EXTL1: variants seen among roughly 807,000 people sequenced by gnomAD.
The protein encoded by EXTL1 is exostosin-like 1.
In EXTL1, 43 loss-of-function variants were observed where a neutral mutation model predicts 64.6. The observed-to-expected ratio is 0.67, with a 90% CI of 0.52 to 0.86. The LOEUF (loss-of-function observed/expected upper bound fraction) is 0.86, where lower values mean the gene tolerates loss of function less well. Ranked by LOEUF, EXTL1 falls within the 40% of genes least tolerant of loss-of-function variation. The probability of loss-of-function intolerance (pLI) is 0.00; values close to 1 mark genes in which losing one functional copy is unlikely to be tolerated. For synonymous variants in EXTL1, 352 were observed against 360.5 expected, an observed-to-expected ratio of 0.98 and a Z score of 0.27; for missense variants, 766 against 879.0, an observed-to-expected ratio of 0.87 and a Z score of 1.62.
At position 26,022,830 on chromosome 1, in the gene EXTL1, G is replaced by A; in HGVS notation, c.184G>A (p.Gly62Arg). Residue 62 changes from glycine to arginine, a missense_variant, in exon 1 of 11, where the codon GGA becomes AGA. This residue lies in a region of EXTL1 where 571 missense variants were observed against 647.6 expected (regional missense o/e 0.88). Coordinates refer to ENST00000374280, the MANE Select transcript of EXTL1 (RefSeq NM_004455.3). ...AELLQSFSQP[G>R]ELPEDAVSPP... ...GCTCCTGCAGAGCTTCTCCCAGCCT[G>A]GAGAGCTCCCAGAAGATGCCGTTTC... The A allele has an allele frequency of 6.2e-7, 1 of 1,614,078 alleles. No individual in the cohort carries two copies. Among genetic ancestry groups the A allele is most frequent in the Non-Finnish European group, 8.5e-7 (1 of 1,179,996 alleles).
At chr1:26,029,529 C>T in intron 2 of EXTL1, 71 bp from the exon 3 acceptor site, 2 of 931,146 alleles carry the variant, frequency 2.1e-6, no homozygotes, top group Non-Finnish European at 3.4e-6. Flanking sequence ...CAGCTACTGA[C>T]TTGGAACTGG....
chr1:26,023,964 A>G (rs2050185271), intron 1 of EXTL1, among the ~76,000 whole-genome samples: 1 of 152,186 alleles, frequency 6.6e-6, no homozygotes, highest in South Asian at 2.1e-4. Context: ...CAACCTCATC[A>G]AATGCCTCAG....
rs747553226 is a variant in EXTL1 at position 26,031,583 on chromosome 1, G to C, written c.1341+17G>C. 3 of 1,490,858 alleles carry C rather than the reference G, an allele frequency of 2.0e-6. No homozygotes were observed. Among genetic ancestry groups the C allele is most frequent in the Middle Eastern group, 1.7e-4 (1 of 5,724 alleles). The allele number at this position is 1,490,858 out of a possible 1,614,324, so 92.4% of individuals were successfully genotyped here. On this transcript the variant is annotated intron_variant, in intron 6 of 10. Transcript: ENST00000374280. ...TGTGCCCAGGTCTGCCCCCTTCCCA[G>C]CTGGAGTCCTGGGATCCAGGGTGGG...
intron 3 of EXTL1, among the ~76,000 whole-genome samples, chr1:26,030,082 G>A (rs1314067496): frequency 6.6e-6 from 1 of 152,212 alleles, no homozygotes; most frequent in Non-Finnish European, 1.5e-5. Flanking sequence ...GAGTGGGAAA[G>A]CAAAACGCAT....
chr1:26,027,451 T>G (rs1434914544), intron 1 of EXTL1, among the ~76,000 whole-genome samples: 1 of 152,122 alleles, frequency 6.6e-6, no homozygotes, highest in Non-Finnish European at 1.5e-5. Context: ...TAGGTTAGCT[T>G]GGATCATTAC....
chr1:26,024,705 C>CT (rs2124401443), intron 1 of EXTL1, among the ~76,000 whole-genome samples: 1 of 152,348 alleles, frequency 6.6e-6, no homozygotes, highest in South Asian at 2.1e-4. Flanking sequence ...GCCCCTGCAG[C>CT]TCAGCGCTCA....
Position 26,035,574 on chromosome 1 carries a change from G to A in EXTL1, c.*227G>A. 2.2e-6 allele frequency: 1 copy of A among 451,480 alleles called. No homozygotes were observed. Among genetic ancestry groups the A allele is most frequent in the East Asian group, 3.2e-5 (1 of 30,790 alleles). The allele number at this position is 451,480 out of a possible 1,614,324, so 28.0% of individuals were successfully genotyped here. A position where few individuals can be genotyped will look rare whatever the true frequency, so the allele number is the denominator to read the frequency against. ...GCGGAGGCTGAGCCCCGCGACCGGAGCGCCGCTCTCCGCTTCTCCACCCAG... is the reference window on the plus strand; with the variant it reads ...GCGGAGGCTGAGCCCCGCGACCGGAACGCCGCTCTCCGCTTCTCCACCCAG... On this transcript the variant is annotated 3_prime_UTR_variant, in exon 11 of 11. Transcript: ENST00000374280. This position sits in a 1 kb window ranked among gnomAD's most constrained non-coding sequence, Gnocchi z 5.3.
At chr1:26,032,519 C>A in intron 7 of EXTL1, 34 bp downstream of exon 7, 1 of 1,509,266 alleles carries the variant, frequency 6.6e-7, no homozygotes, top group Non-Finnish European at 9.0e-7. Context: ...AAGGGGTGGG[C>A]CCATGCTGGG....
At chr1:26,032,222 G>A in intron 6 of EXTL1, 174 bp from the exon 7 acceptor site, 1 of 577,720 alleles carries the variant, frequency 1.7e-6, no homozygotes, top group Non-Finnish European at 3.1e-6. Context: ...AAGCCCAGAG[G>A]CAAGGACAGA....
At position 26,022,388 on chromosome 1, in the gene EXTL1, G is replaced by A. The variant is rs908214793; in HGVS notation, c.-259G>A. 17 of 439,420 alleles carry A rather than the reference G, an allele frequency of 3.9e-5. No individual in the cohort carries two copies. In the Admixed American group the frequency reaches 4.0e-4, roughly 10 times the overall value. 27.2% of individuals were successfully genotyped at this position (439,420 alleles called of 1,614,324 possible). ...AGGCTGGCTTGGTTGTCCAAAGGCCGAGAAGGCAGAGTCCTGAGAGCAGGG... is the reference window on the plus strand; with the variant it reads ...AGGCTGGCTTGGTTGTCCAAAGGCCAAGAAGGCAGAGTCCTGAGAGCAGGG... On this transcript the variant is annotated 5_prime_UTR_variant, in exon 1 of 11. Coordinates refer to ENST00000374280, the MANE Select transcript of EXTL1 (RefSeq NM_004455.3).
At chr1:26,028,853 G>A (rs2050246887) in intron 1 of EXTL1, among the ~76,000 whole-genome samples, 1 of 152,186 alleles carries the variant, frequency 6.6e-6, no homozygotes, top group Non-Finnish European at 1.5e-5. Flanking sequence ...AGTCAGGCAG[G>A]GCCTCGGAAA....
In EXTL1 at chr1:26,035,247, A is replaced by C. The variant is rs1195805792; in HGVS notation, c.1931A>C (p.His644Pro). The part of the protein sequence containing the change: ...CINQIAAAFG[H>P]MPLLSSRLRL... ...AACCAGATAGCGGCAGCGTTCGGCCACATGCCCTTGCTGTCCTCTCGTCTG... is the reference window on the plus strand; with the variant it reads ...AACCAGATAGCGGCAGCGTTCGGCCCCATGCCCTTGCTGTCCTCTCGTCTG... Residue 644 changes from histidine (H) to proline (P), a missense_variant, in exon 11 of 11, where the codon CAC becomes CCC. By Grantham distance (77) the His-to-Pro change is moderately conservative. Around this residue, in one of 3 missense-constraint regions of EXTL1, gnomAD observed 194 missense variants for 214.5 expected, o/e 0.90. Transcript: ENST00000374280. The surrounding 1 kb of genome is among the most constrained non-coding windows in gnomAD (Gnocchi z 5.3). 1 of 1,613,528 alleles carries C rather than the reference A, an allele frequency of 6.2e-7. No individual in the cohort carries two copies. Among genetic ancestry groups the C allele is most frequent in the South Asian group, 1.1e-5 (1 of 91,082 alleles).
rs1037576190 is a variant in EXTL1 at position 26,034,545 on chromosome 1, T to C, written c.1680-291T>C. Among the ~76,000 whole-genome samples, 5 of 152,186 alleles carry C rather than the reference T, an allele frequency of 3.3e-5. No homozygotes were observed. Among genetic ancestry groups the C allele is most frequent in the African/African-American group, 1.2e-4 (5 of 41,442 alleles). On this transcript the variant is annotated intron_variant, in intron 9 of 10. Coordinates refer to ENST00000374280, the MANE Select transcript of EXTL1 (RefSeq NM_004455.3). The surrounding 1 kb of genome is among the most constrained non-coding windows in gnomAD (Gnocchi z 4.6). The stretch of plus-strand genomic sequence containing the variant: ...CATGTTTGATGGCTTTGAAACCAGC[T>C]GATCCAAACCCATCTAATTCTGGCT...
intron 7 of EXTL1, 34 bp downstream of exon 7, chr1:26,032,519 C>T: frequency 1.3e-6 from 2 of 1,509,268 alleles, no homozygotes; most frequent in Non-Finnish European, 9.0e-7. Context: ...AAGGGGTGGG[C>T]CCATGCTGGG....
In EXTL1 at chr1:26,031,453, C is replaced by T. The variant is rs1199275048; in HGVS notation, c.1235-7C>T. 3.3e-6 allele frequency: 5 copies of T among 1,513,486 alleles called. No homozygotes were observed. Among genetic ancestry groups the T allele is most frequent in the African/African-American group, 2.8e-5 (2 of 72,506 alleles). The allele number at this position is 1,513,486 out of a possible 1,614,324, so 93.8% of individuals were successfully genotyped here. On this transcript the variant is annotated splice_region_variant and splice_polypyrimidine_tract_variant and intron_variant, in intron 5 of 10. Coordinates refer to ENST00000374280, the MANE Select transcript of EXTL1 (RefSeq NM_004455.3). ...CCACTCTAATAGCCTGTGTCTCATT[C>T]CCCCAGGCTCCCGCCCTGAGGGCAG...
At chr1:26,030,441 C>CTAT in intron 3 of EXTL1, 35 bp from the exon 4 acceptor site, 1 of 1,591,872 alleles carries the variant, frequency 6.3e-7, no homozygotes, top group Non-Finnish European at 8.6e-7. Context: ...CAAAATTGCT[C>CTAT]TATTACCTGG....
chr1:26,035,021 A>C lies in EXTL1; in HGVS notation c.1848+17A>C. On this transcript the variant is annotated intron_variant, in intron 10 of 10. Coordinates refer to ENST00000374280, the MANE Select transcript of EXTL1 (RefSeq NM_004455.3). This position sits in a 1 kb window ranked among gnomAD's most constrained non-coding sequence, Gnocchi z 5.3. ...GCTCCACTGGTGAGGGCTGAGGGGG[A>C]TTGGTCGGAACTGGCAGGGATTGGG... 6.2e-7 allele frequency: 1 copy of C among 1,613,302 alleles called. No homozygotes were observed. Among genetic ancestry groups the C allele is most frequent in the Non-Finnish European group, 8.5e-7 (1 of 1,179,488 alleles).
intron 6 of EXTL1, 49 bp from the exon 7 acceptor site, chr1:26,032,347 G>C: frequency 1.5e-6 from 2 of 1,356,066 alleles, no homozygotes; most frequent in East Asian, 2.5e-5. Context: ...CTCGCAACCC[G>C]CCTTCTGCCC....
rs760046047 is a variant in EXTL1, at chr1:26,030,602, G to A, written c.1101+7G>A. 3.1e-6 allele frequency: 5 copies of A among 1,602,426 alleles called. No homozygotes were observed. The highest frequency in any genetic ancestry group is 4.3e-6 in the Non-Finnish European group (5 of 1,171,566). On this transcript the variant is annotated splice_region_variant and intron_variant, in intron 4 of 10. Transcript: ENST00000374280. ...CATCCATACCACTCTGGAGGTGAGG[G>A]GTCTCACCTGATGGGGGTCCTGGCT...
Sources: gnomAD v4.1 joint callset for allele counts (sites outside exome capture counted in the v4.1 genomes callset) on GRCh38, gnomAD v4.1.1 for gene constraint, gnomAD v4.1.1 regional missense constraint, Gnocchi (gnomAD v3.1) non-coding constraint, MANE v1.5 for transcripts, NCBI Gene and HGNC (gene_info 2026-07-23, HGNC 2026-07-21) for gene names.